The following MAP2 variants were observed in gnomAD, a reference collection of about 807,000 sequenced individuals.
The protein encoded by MAP2 is microtubule-associated protein 2.
MAP2 carries 14 observed loss-of-function variants against 137.6 expected under a neutral mutation model. That is an observed-to-expected ratio of 0.10 (90% CI 0.07 to 0.16). The LOEUF (loss-of-function observed/expected upper bound fraction) is 0.16, where lower values mean the gene tolerates loss of function less well. MAP2 is among the 10% of genes least tolerant of loss of function. The pLI, the probability that MAP2 is intolerant of heterozygous loss-of-function variation, is 1.00. For synonymous variants in MAP2, 786 were observed against 782.3 expected (o/e 1.00, Z -0.08); for missense variants, 2,088 against 2,191.5 (o/e 0.95, Z 0.94).
Position 209,623,009 on chromosome 2 carries a change from T to C in MAP2, c.-106-2044T>C, listed in dbSNP as rs1490403517. On this transcript the variant is annotated intron_variant, in intron 3 of 15. Coordinates refer to ENST00000682079, the MANE Select transcript of MAP2 (RefSeq NM_001375505.1). The stretch of plus-strand genomic sequence containing the variant: ...TAAGTATTTAGGGTTGGAATTTCAC[T>C]TTCATTCATATGTAACTACTGAGTT... 2.0e-5 allele frequency among the ~76,000 whole-genome samples: 3 copies of C among 152,192 alleles called. No homozygotes were observed. The East Asian group carries it at 5.8e-4, about 29-fold the overall frequency.
intron 2 of MAP2, among the ~76,000 whole-genome samples, chr2:209,527,808 G>A (rs985738160): frequency 2.0e-5 from 3 of 152,140 alleles, no homozygotes; most frequent in South Asian, 2.1e-4. Context: ...AATCAGAAAT[G>A]TGTGGCTGCA....
At chr2:209,514,177 G>GT (rs35287109) in intron 2 of MAP2, among the ~76,000 whole-genome samples, 7 of 151,992 alleles carry the variant, frequency 4.6e-5, no homozygotes, top group African/African-American at 1.2e-4. Flanking sequence ...TCCTGGATAT[G>GT]TTTTTTTAAT....
chr2:209,458,393 G>A (rs1702025843), intron 1 of MAP2, among the ~76,000 whole-genome samples: 1 of 152,114 alleles, frequency 6.6e-6, no homozygotes, highest in Non-Finnish European at 1.5e-5. Flanking sequence ...TTTTAAAAAG[G>A]AACTGTTCTA....
At chr2:209,696,410 T>G in intron 8 of MAP2, 60 bp downstream of exon 8, 1 of 1,505,398 alleles carries the variant, frequency 6.6e-7, no homozygotes, top group Non-Finnish European at 8.9e-7. Context: ...GGAATTTTTT[T>G]TCACTTAAAC....
At chr2:209,548,538 A>G (rs2068530382) in intron 2 of MAP2, among the ~76,000 whole-genome samples, 1 of 152,244 alleles carries the variant, frequency 6.6e-6, no homozygotes, top group African/African-American at 2.4e-5. Context: ...ACAGAATGTC[A>G]GAAAAATATT....
chr2:209,723,418 T>G (rs1283307526), intron 13 of MAP2, among the ~76,000 whole-genome samples: 1 of 152,164 alleles, frequency 6.6e-6, no homozygotes, highest in African/African-American at 2.4e-5. Flanking sequence ...TGCAGAAGAA[T>G]AGGGGCTCAG....
At chr2:209,604,911 A>G (rs1451819090) in intron 3 of MAP2, among the ~76,000 whole-genome samples, 1 of 152,188 alleles carries the variant, frequency 6.6e-6, no homozygotes, top group African/African-American at 2.4e-5. Context: ...TCCCCATAAA[A>G]ATGCTAAAAA....
chr2:209,516,863 G>A (rs2062588666), intron 2 of MAP2, among the ~76,000 whole-genome samples: 1 of 152,078 alleles, frequency 6.6e-6, no homozygotes, highest in Admixed American at 6.6e-5. Context: ...GTACTGGCAG[G>A]CAGTTAATTT....
At chr2:209,447,778 T>C (rs1699419839) in intron 1 of MAP2, among the ~76,000 whole-genome samples, 1 of 152,108 alleles carries the variant, frequency 6.6e-6, no homozygotes, top group Non-Finnish European at 1.5e-5. Context: ...CTATCAGTTA[T>C]GTCCTAGTTA....
In MAP2 at chr2:209,507,615, A is replaced by G. The variant is rs900155589; in HGVS notation, c.-198A>G. ...AGATTTTATTGATCTAATCCAAAGT[A>G]TCTTATAACTTCTGGCTGGAATTAA... On this transcript the variant is annotated 5_prime_UTR_variant, in exon 2 of 16. Transcript: ENST00000682079. The G allele has an allele frequency of 6.6e-6, 1 of 152,116 alleles. No homozygotes were observed. The highest frequency in any genetic ancestry group is 2.4e-5 in the African/African-American group (1 of 41,430). 9.4% of individuals were successfully genotyped at this position (152,116 alleles called of 1,614,324 possible).
chr2:209,571,169 C>T (rs1167277097), intron 2 of MAP2, among the ~76,000 whole-genome samples: 1 of 151,778 alleles, frequency 6.6e-6, no homozygotes, highest in Admixed American at 6.6e-5. Flanking sequence ...TATACAAGAA[C>T]CCTTTTGCAT....
chr2:209,564,402 T>G (rs1045889664), intron 2 of MAP2, among the ~76,000 whole-genome samples: 1 of 152,056 alleles, frequency 6.6e-6, no homozygotes, highest in Non-Finnish European at 1.5e-5. Context: ...TTTATGCTAG[T>G]GTTTTTTCAA....
At chr2:209,476,414 A>G (rs1707244853) in intron 1 of MAP2, among the ~76,000 whole-genome samples, 1 of 115,564 alleles carries the variant, frequency 8.7e-6, no homozygotes, top group Non-Finnish European at 1.9e-5. Flanking sequence ...TTTTTTTTTC[A>G]TCATTCTGCT....
Sources: gnomAD v4.1 joint callset for allele counts (sites outside exome capture counted in the v4.1 genomes callset) on GRCh38, gnomAD v4.1.1 for gene constraint, MANE v1.5 for transcripts, NCBI Gene and HGNC (gene_info 2026-07-23, HGNC 2026-07-21) for gene names.